Variants in SRGAP2 observed in about 807,000 individuals in gnomAD.
The protein encoded by SRGAP2 is SLIT-ROBO Rho GTPase-activating protein 2.
Under a neutral mutation model 57.2 loss-of-function variants are expected in SRGAP2, and 15 were observed. That is an observed-to-expected ratio of 0.26 (90% CI 0.18 to 0.40). The LOEUF is 0.40. SRGAP2 is among the 10% of genes least tolerant of loss of function. SRGAP2 has a pLI of 1.00. For missense variants in SRGAP2, 520 were observed against 669.6 expected (o/e 0.78, Z 2.47); for synonymous variants, 249 against 248.0 (o/e 1.00, Z -0.04).
At chr1:206,417,886 A>C (rs1163555348) in intron 11 of SRGAP2, among the ~76,000 whole-genome samples, 1 of 151,756 alleles carries the variant, frequency 6.6e-6, no homozygotes, top group South Asian at 2.1e-4. Context: ...ACATCACTCC[A>C]TGGAGAATCA....
chr1:206,442,968 T>C (rs1287512903), intron 17 of SRGAP2, among the ~76,000 whole-genome samples: 1 of 152,168 alleles, frequency 6.6e-6, no homozygotes, highest in Non-Finnish European at 1.5e-5. Flanking sequence ...ACATTGTCAA[T>C]CTCAAGGAAC....
At chr1:206,292,188 A>G (rs1225419038) in intron 2 of SRGAP2, among the ~76,000 whole-genome samples, 1 of 152,222 alleles carries the variant, frequency 6.6e-6, no homozygotes, top group Non-Finnish European at 1.5e-5. Flanking sequence ...TGAACAGTCC[A>G]CTGGGGCAAG....
chr1:206,234,853 G>A (rs1432990820), intron 2 of SRGAP2, among the ~76,000 whole-genome samples: 9 of 151,962 alleles, frequency 5.9e-5, no homozygotes, highest in East Asian at 3.9e-4. Flanking sequence ...GGTTTTATTC[G>A]TTTTCGTGCC....
rs369239316 is a variant in SRGAP2, at chr1:206,392,677, G to T, written c.487-12G>T. The T allele has an allele frequency of 2.5e-3, 1,876 of 754,226 alleles. 23 individuals are homozygous for T. The African/African-American group carries it at 0.028, about 11-fold the overall frequency. The allele number at this position is 754,226 out of a possible 1,614,324, so 46.7% of individuals were successfully genotyped here. A position where few individuals can be genotyped will look rare whatever the true frequency, so the allele number is the denominator to read the frequency against. ...TTGACCTCTGGGGGTGGGGGTGGGC[G>T]ATGTCTTGCAGGTGATGAAGACATA... On this transcript the variant is annotated splice_polypyrimidine_tract_variant and intron_variant, in intron 5 of 22. Transcript: ENST00000573034.
chr1:206,254,767 C>T (rs1222382944), intron 2 of SRGAP2, among the ~76,000 whole-genome samples: 1 of 151,344 alleles, frequency 6.6e-6, no homozygotes, highest in Admixed American at 6.6e-5. Flanking sequence ...TCCTCTCCTG[C>T]GATTACAGCC....
intron 2 of SRGAP2, among the ~76,000 whole-genome samples, chr1:206,239,119 A>G (rs1489666047): frequency 6.7e-6 from 1 of 149,726 alleles, no homozygotes; most frequent in Admixed American, 6.6e-5. Flanking sequence ...TACAAATGCA[A>G]TCTTTACAAA....
Position 206,376,188 on chromosome 1 carries a change from C to T in SRGAP2, c.424-7826C>T, listed in dbSNP as rs376170179. Among the ~76,000 whole-genome samples the T allele has an allele frequency of 9.3e-3, 1,415 of 152,224 alleles. 8 individuals are homozygous for T. Among genetic ancestry groups the T allele is most frequent in the Middle Eastern group, 0.027 (8 of 294 alleles). On this transcript the variant is annotated intron_variant, in intron 4 of 22. Coordinates refer to ENST00000573034, the MANE Select transcript of SRGAP2 (RefSeq NM_015326.5). ...TCTGCCACCCCTACCTTCATCATTT[C>T]TTCCTTTCTGCTAAGCACTTTTTAT...
chr1:206,292,186 C>CCA (rs1269685146), intron 2 of SRGAP2, among the ~76,000 whole-genome samples: 1 of 152,180 alleles, frequency 6.6e-6, no homozygotes, highest in Non-Finnish European at 1.5e-5. Flanking sequence ...TCTGAACAGT[C>CCA]CACTGGGGCA....
chr1:206,225,377 G>A (rs1227329004), intron 2 of SRGAP2, among the ~76,000 whole-genome samples: 1 of 150,888 alleles, frequency 6.6e-6, no homozygotes, highest in Non-Finnish European at 1.5e-5. Context: ...TGGGTGTGGG[G>A]CCTAGGGGTG....
intron 11 of SRGAP2, among the ~76,000 whole-genome samples, chr1:206,417,319 G>A (rs1553362391): frequency 6.6e-6 from 1 of 151,610 alleles, no homozygotes; most frequent in Non-Finnish European, 1.5e-5. Context: ...GGCCAGGCTG[G>A]TCTCAATCTC....
chr1:206,387,220 A>G (rs1656395828), intron 5 of SRGAP2, among the ~76,000 whole-genome samples: 1 of 150,818 alleles, frequency 6.6e-6, no homozygotes, highest in South Asian at 2.1e-4. Context: ...ATAAGGCACC[A>G]TGGGATTACG....
At chr1:206,377,243 T>C (rs1426670544) in intron 4 of SRGAP2, among the ~76,000 whole-genome samples, 1 of 151,956 alleles carries the variant, frequency 6.6e-6, no homozygotes, top group Non-Finnish European at 1.5e-5. Context: ...TTTTAAAATA[T>C]AACTTGTCAC....
intron 17 of SRGAP2, among the ~76,000 whole-genome samples, chr1:206,441,026 C>T (rs1553371849): frequency 6.6e-6 from 1 of 152,088 alleles, no homozygotes; most frequent in Non-Finnish European, 1.5e-5. Context: ...GTTTGTGATA[C>T]ATTTTGAACA....
intron 3 of SRGAP2, among the ~76,000 whole-genome samples, chr1:206,339,525 G>A (rs1212779723): frequency 2.6e-5 from 4 of 152,082 alleles, no homozygotes; most frequent in African/African-American, 4.8e-5. Context: ...AGCAGCCTGC[G>A]AGACATTGCA....
chr1:206,394,038 CTTTTTT>C (rs577375533), intron 7 of SRGAP2, among the ~76,000 whole-genome samples: 3 of 49,900 alleles, frequency 6.0e-5, no homozygotes, highest in Non-Finnish European at 9.7e-5. Flanking sequence ...TACTTTCTTC[CTTTTTT>C]TTTTTTTTTT....
intron 13 of SRGAP2, among the ~76,000 whole-genome samples, chr1:206,423,828 G>A (rs1340584034): frequency 6.6e-6 from 1 of 151,174 alleles, no homozygotes; most frequent in Non-Finnish European, 1.5e-5. Flanking sequence ...AGGCTGGAGT[G>A]CAGTGGCACA....
chr1:206,262,292 G>A (rs1376145016), intron 2 of SRGAP2, among the ~76,000 whole-genome samples: 2 of 149,548 alleles, frequency 1.3e-5, no homozygotes, highest in African/African-American at 5.0e-5. Context: ...TATCTACCAT[G>A]CAGTGTTTTT....
At chr1:206,357,412 C>T (rs1309422256) in intron 4 of SRGAP2, among the ~76,000 whole-genome samples, 4 of 150,864 alleles carry the variant, frequency 2.7e-5, no homozygotes, top group Non-Finnish European at 4.4e-5. Context: ...ATGAGAGTTA[C>T]ATTATATATT....
chr1:206,316,235 G>GGACA (rs1156974724), intron 3 of SRGAP2, among the ~76,000 whole-genome samples: 1 of 140,646 alleles, frequency 7.1e-6, no homozygotes, highest in Non-Finnish European at 1.5e-5. Flanking sequence ...GAAACACTTA[G>GGACA]GACAGCTTGG....
Sources: gnomAD v4.1 joint callset for allele counts (sites outside exome capture counted in the v4.1 genomes callset) on GRCh38, gnomAD v4.1.1 for gene constraint, MANE v1.5 for transcripts, NCBI Gene and HGNC (gene_info 2026-07-23, HGNC 2026-07-21) for gene names.